AMACR: variants seen among roughly 807,000 people sequenced by gnomAD.
AMACR encodes alpha-methylacyl-CoA racemase, also known as 2-methylacyl-CoA racemase.
In AMACR, 18 loss-of-function variants were observed where a neutral mutation model predicts 22.2. The ratio of observed to expected loss-of-function variants is 0.81; its 90% CI spans 0.56 to 1.20. AMACR has a LOEUF of 1.20. Ranked by LOEUF, AMACR falls within the 50% of genes most tolerant of loss-of-function variation. The probability of loss-of-function intolerance (pLI) is 0.00; values close to 1 mark genes in which losing one functional copy is unlikely to be tolerated. For missense variants in AMACR, 499 were observed against 490.6 expected (o/e 1.02, Z -0.16); for synonymous variants, 213 against 191.3 (o/e 1.11, Z -0.94).
rs2112069628 is a variant in AMACR, at chr5:34,004,582, C to T, written c.544G>A (p.Ala182Thr). 6.2e-7 allele frequency: 1 copy of T among 1,614,106 alleles called. No individual in the cohort carries two copies. The highest frequency in any genetic ancestry group is 8.5e-7 in the Non-Finnish European group (1 of 1,179,986). Residue 182 changes from alanine (A) to threonine (T), a missense_variant, in exon 3 of 5, where the codon GCA (alanine) becomes ACA (threonine). By Grantham distance (58) the Ala-to-Thr change is moderately conservative (BLOSUM62 0). Transcript: ENST00000335606. ...TRTGKGQVIDANMVEGTAYLS... is the reference protein window; with the variant it reads ...TRTGKGQVIDTNMVEGTAYLS... ...CCCCAATTAATACTTACCATATTTG[C>T]ATCAATGACCTGACCCTTGCCAGTG...
chr5:33,995,123 C>T (rs1440037702), intron 4 of AMACR, among the ~76,000 whole-genome samples: 2 of 152,204 alleles, frequency 1.3e-5, no homozygotes, highest in Non-Finnish European at 2.9e-5. Context: ...CCTGCTCCAT[C>T]CTGCCTTGGA....
intron 4 of AMACR, chr5:33,997,490 T>C: frequency 2.6e-6 from 2 of 780,090 alleles, no homozygotes; most frequent in Middle Eastern, 2.3e-4. Flanking sequence ...CTTCCTGTTG[T>C]ATTTTCAGCA....
Position 34,004,608 on chromosome 5 carries a change from C to G in AMACR, c.518G>C (p.Arg173Pro). 1 of 1,614,102 alleles carries G rather than the reference C, an allele frequency of 6.2e-7. No individual in the cohort carries two copies. Among genetic ancestry groups the G allele is most frequent in the Non-Finnish European group, 8.5e-7 (1 of 1,180,016 alleles). Reference protein sequence around the residue: ...GIIMALFDRTRTGKGQVIDAN... With the variant: ...GIIMALFDRTPTGKGQVIDAN... ...ATCAATGACCTGACCCTTGCCAGTG[C>G]GTGTGCGGTCAAAAAGAGCCATTAT... Residue 173 changes from arginine (R) to proline (P), a missense_variant, in exon 3 of 5, where the codon CGC (arginine) becomes CCC (proline). Physicochemically the swap from Arg to Pro is moderately radical, Grantham distance 103 (BLOSUM62 -2). Transcript: ENST00000335606.
intron 3 of AMACR, among the ~76,000 whole-genome samples, chr5:34,003,538 C>G (rs1480893230): frequency 6.6e-6 from 1 of 152,210 alleles, no homozygotes; most frequent in Non-Finnish European, 1.5e-5. Context: ...GATCACAGAG[C>G]TAGTAAATGG....
rs980829647 is a variant in AMACR, at chr5:34,003,441, A to T, written c.552+1133T>A. 3.3e-5 allele frequency among the ~76,000 whole-genome samples: 5 copies of T among 152,218 alleles called. No individual in the cohort carries two copies. In the East Asian group the frequency reaches 9.6e-4, roughly 29 times the overall value. ...GATGAACTCATTGAATTCTCATAGC[A>T]ACTAACAATGCTATGAGGTGGATGT... On this transcript the variant is annotated intron_variant, in intron 3 of 4. Transcript: ENST00000335606.
chr5:33,991,502 C>A (rs1753472204), intron 4 of AMACR, among the ~76,000 whole-genome samples: 1 of 152,114 alleles, frequency 6.6e-6, no homozygotes. Flanking sequence ...TTTTCAGGAA[C>A]TAGCCTGGGG....
Position 33,990,107 on chromosome 5 carries a change from C to T in AMACR, c.740-605G>A, listed in dbSNP as rs549162262. Among the ~76,000 whole-genome samples, 62 of 152,038 alleles carry T rather than the reference C, an allele frequency of 4.1e-4. 1 individual carries two copies. Among genetic ancestry groups the T allele is most frequent in the Admixed American group, 1.2e-3 (18 of 15,248 alleles). On this transcript the variant is annotated intron_variant, in intron 4 of 4. Coordinates refer to ENST00000335606, the MANE Select transcript of AMACR (RefSeq NM_014324.6). ...ATTGCTTGAGCCCAGGAGTTCAAGGCCCAGCCTGAGCAACACAGCAAGACC... is the reference window on the plus strand; with the variant it reads ...ATTGCTTGAGCCCAGGAGTTCAAGGTCCAGCCTGAGCAACACAGCAAGACC...
chr5:34,004,861 C>G, intron 2 of AMACR, 127 bp from the exon 3 acceptor site: 1 of 1,119,010 alleles, frequency 8.9e-7, no homozygotes, highest in Non-Finnish European at 1.3e-6. Flanking sequence ...TAGTATACAT[C>G]ACTTTTCCAA....
intron 2 of AMACR, among the ~76,000 whole-genome samples, 199 bp downstream of exon 2, chr5:34,005,557 C>T (rs930993054): frequency 1.3e-5 from 2 of 152,140 alleles, no homozygotes; most frequent in East Asian, 3.8e-4. Flanking sequence ...AACCTTCCAA[C>T]CTGTTAAGGG....
At chr5:33,998,398 C>T (rs1753706329) in intron 4 of AMACR, among the ~76,000 whole-genome samples, 1 of 152,028 alleles carries the variant, frequency 6.6e-6, no homozygotes, top group African/African-American at 2.4e-5. Context: ...AATAAAAGCA[C>T]CGAACATCCT....
rs77757240 is a variant in AMACR, at chr5:34,001,711, C to T, written c.552+2863G>A. Reference sequence around the variant, plus strand: ...AACTACAGTTTCCAAGGAAACAGCACTACAATAAGGCAGCCTCCAGCTCTT... The same window carrying T: ...AACTACAGTTTCCAAGGAAACAGCATTACAATAAGGCAGCCTCCAGCTCTT... On this transcript the variant is annotated intron_variant, in intron 3 of 4. Transcript: ENST00000335606. Among the ~76,000 whole-genome samples the T allele has an allele frequency of 2.4e-3, 373 of 152,286 alleles. 3 individuals carry two copies. Among genetic ancestry groups the T allele is most frequent in the African/African-American group, 8.4e-3 (349 of 41,550 alleles).
At chr5:33,997,432 G>T in intron 4 of AMACR, 1 of 778,308 alleles carries the variant, frequency 1.3e-6, no homozygotes, top group South Asian at 1.3e-5. Context: ...TGCAACGATG[G>T]CCATTGCTTC....
At chr5:34,007,652 G>A (rs1754024888) in intron 1 of AMACR, 121 bp downstream of exon 1, 3 of 1,367,718 alleles carry the variant, frequency 2.2e-6, no homozygotes, top group South Asian at 1.5e-5. Context: ...GGAAGGCTGG[G>A]GCCGACAAGG....
intron 3 of AMACR, among the ~76,000 whole-genome samples, chr5:34,003,519 C>T (rs1753881893): frequency 6.6e-6 from 1 of 152,160 alleles, no homozygotes; most frequent in Non-Finnish European, 1.5e-5. Flanking sequence ...GGTTAAGTAA[C>T]TTGCCCAAGA....
In AMACR at chr5:33,989,128, T is replaced by C. The variant is rs1753388220; in HGVS notation, c.1114A>G (p.Ile372Val). The change falls in exon 5 of 5, where the codon ATC becomes GTC. Residue 372 changes from isoleucine to valine, a missense_variant. Ile to Val is a conservative substitution (Grantham distance 29, BLOSUM62 3). Transcript: ENST00000335606. Reference sequence around the variant, plus strand: ...GCTTTTACCTTATTACTTTCAATGATTTTATCTGAGTTAAGCTGATAAATC... The same window carrying C: ...GCTTTTACCTTATTACTTTCAATGACTTTATCTGAGTTAAGCTGATAAATC... ...EEIYQLNSDK[I>V]IESNKVKASL is the part of the protein sequence containing the mutation. The C allele has an allele frequency of 6.2e-7, 1 of 1,614,100 alleles. No homozygotes were observed. Among genetic ancestry groups the C allele is most frequent in the African/African-American group, 1.3e-5 (1 of 74,926 alleles).
At chr5:33,999,435 A>T (rs1025269654) in intron 3 of AMACR, among the ~76,000 whole-genome samples, 4 of 152,218 alleles carry the variant, frequency 2.6e-5, no homozygotes, top group Non-Finnish European at 4.4e-5. Flanking sequence ...TTCTGAGTCC[A>T]GGCAAACTGG....
In AMACR at chr5:33,987,590, A is replaced by G. The variant is rs1753333511; in HGVS notation, c.*1503T>C. 1 of 152,198 alleles carries G rather than the reference A, an allele frequency of 6.6e-6. No individual in the cohort carries two copies. Among genetic ancestry groups the G allele is most frequent in the South Asian group, 2.1e-4 (1 of 4,828 alleles). The allele number at this position is 152,198 out of a possible 1,614,324, so 9.4% of individuals were successfully genotyped here. A position where few individuals can be genotyped will look rare whatever the true frequency, so the allele number is the denominator to read the frequency against. On this transcript the variant is annotated 3_prime_UTR_variant, in exon 5 of 5. Transcript: ENST00000335606. ...AGATTGCACTATAATCCTTCTGATA[A>G]TTTCATATTTTTGTGAGACTGGGTT...
In AMACR at chr5:34,005,739, AT is replaced by A. The variant is rs779891271; in HGVS notation, c.391+16del. 18 of 1,613,382 alleles carry A rather than the reference AT, an allele frequency of 1.1e-5. No homozygotes were observed. Among genetic ancestry groups the A allele is most frequent in the South Asian group, 3.3e-5 (3 of 91,072 alleles). ...GGAATAAATTAAAAGTGTAGACTAA[AT>A]TTTTTTTCAACATACCTGACAAAGC... On this transcript the variant is annotated intron_variant, in intron 2 of 4. Coordinates refer to ENST00000335606, the MANE Select transcript of AMACR (RefSeq NM_014324.6).
chr5:34,007,080 C>T (rs1335664845), intron 1 of AMACR, among the ~76,000 whole-genome samples: 1 of 152,210 alleles, frequency 6.6e-6, no homozygotes. Flanking sequence ...GTTTGAGATT[C>T]AGGCATTCAC....
Sources: gnomAD v4.1 joint callset for allele counts (sites outside exome capture counted in the v4.1 genomes callset) on GRCh38, gnomAD v4.1.1 for gene constraint, MANE v1.5 for transcripts, NCBI Gene and HGNC (gene_info 2026-07-23, HGNC 2026-07-21) for gene names.